RTL9: variants seen among roughly 807,000 people sequenced by gnomAD.
RTL9 encodes the protein retrotransposon Gag-like protein 9.
In RTL9, 19 loss-of-function variants were observed where a neutral mutation model predicts 44.7. The observed-to-expected ratio is 0.42, with a 90% CI of 0.30 to 0.62. RTL9 has a LOEUF of 0.62. Among genes scored for constraint, RTL9 ranks in the 20% least tolerant of loss-of-function variants. RTL9 has a pLI of 0.16. For synonymous variants in RTL9, 407 were observed against 398.9 expected, an observed-to-expected ratio of 1.02 and a Z score of -0.24; for missense variants, 1,105 against 1,080.6, an observed-to-expected ratio of 1.02 and a Z score of -0.32.
Position 110,359,534 on chromosome X carries a change from CT to C in RTL9, c.-168+619del, listed in dbSNP as rs1462704859. Among the ~76,000 whole-genome samples, 4 of 111,779 alleles carry C rather than the reference CT, an allele frequency of 3.6e-5. No homozygotes were observed. The East Asian group carries it at 1.1e-3, about 31-fold the overall frequency. Reference sequence around the variant, plus strand: ...CTTTCCTGAAGTCTCACACAACCATCTAGTGGCAAAGTGCACTAGAATCCAG... The same window carrying C: ...CTTTCCTGAAGTCTCACACAACCATCAGTGGCAAAGTGCACTAGAATCCAG... On this transcript the variant is annotated intron_variant, in intron 1 of 2. Transcript: ENST00000520821.
chrX:110,443,224 C>A (rs1173449780), intron 1 of RTL9, among the ~76,000 whole-genome samples: 1 of 111,335 alleles, frequency 9.0e-6, no homozygotes, highest in Non-Finnish European at 1.9e-5. Flanking sequence ...CAAGCCCAGG[C>A]CTGTTTGAAG....
chrX:110,360,735 G>C, intron 1 of RTL9, among the ~76,000 whole-genome samples: 2 of 111,382 alleles, frequency 1.8e-5, no homozygotes, highest in Middle Eastern at 4.6e-3. Context: ...TTGACATTTG[G>C]AGGCAAGGAA....
intron 1 of RTL9, among the ~76,000 whole-genome samples, chrX:110,389,611 T>C (rs1435088645): frequency 1.8e-5 from 2 of 112,003 alleles, no homozygotes; most frequent in African/African-American, 3.2e-5. Flanking sequence ...ATTCAATCTT[T>C]TTGTTTTTTT....
chrX:110,418,707 A>G (rs1320267216), upstream of RTL9, among the ~76,000 whole-genome samples: 2 of 111,624 alleles, frequency 1.8e-5, no homozygotes, highest in African/African-American at 3.3e-5. Flanking sequence ...GAGACAGCGC[A>G]TGGGAGCTGG....
At chrX:110,377,653 G>T (rs1327659214) in intron 1 of RTL9, among the ~76,000 whole-genome samples, 1 of 111,411 alleles carries the variant, frequency 9.0e-6, no homozygotes, top group Non-Finnish European at 1.9e-5. Flanking sequence ...GCCTTGGGCT[G>T]CTATCATAAC....
intron 1 of RTL9, among the ~76,000 whole-genome samples, chrX:110,404,759 G>T (rs933362153): frequency 9.0e-6 from 1 of 111,288 alleles, no homozygotes; most frequent in Non-Finnish European, 1.9e-5. Flanking sequence ...ACTCTGTCAG[G>T]GTTGCTGAAA....
At chrX:110,428,607 CT>C (rs769614716) in intron 1 of RTL9, among the ~76,000 whole-genome samples, 124 of 111,409 alleles carry the variant, frequency 1.1e-3, no homozygotes, top group Middle Eastern at 4.6e-3. Context: ...CACTCCCCCC[CT>C]CTCCAAGATG....
chrX:110,439,485 A>G (rs2068863935), intron 1 of RTL9, among the ~76,000 whole-genome samples: 1 of 112,333 alleles, frequency 8.9e-6, no homozygotes, highest in Non-Finnish European at 1.9e-5. Context: ...AGCAAATTGC[A>G]GCATAAAAGA....
intron 1 of RTL9, among the ~76,000 whole-genome samples, chrX:110,396,515 T>G (rs1483872212): frequency 5.3e-5 from 6 of 112,328 alleles, no homozygotes; most frequent in African/African-American, 1.6e-4. Flanking sequence ...TCCATTCTAC[T>G]TTCTTTCCCA....
exon 1 of RTL9, chrX:110,452,039 A>T: frequency 8.3e-7 from 1 of 1,210,311 alleles, no homozygotes. Context: ...AAACTTCTGG[A>T]GCAATGCCCA....
intron 1 of RTL9, among the ~76,000 whole-genome samples, chrX:110,384,422 G>A (rs772797507): frequency 1.8e-5 from 2 of 111,307 alleles, no homozygotes; most frequent in Non-Finnish European, 3.8e-5. Flanking sequence ...ACCTCACAGG[G>A]ATATTTTAAG....
At chrX:110,400,009 T>C (rs1303654431) in intron 1 of RTL9, among the ~76,000 whole-genome samples, 2 of 110,716 alleles carry the variant, frequency 1.8e-5, no homozygotes, top group Non-Finnish European at 1.9e-5. Flanking sequence ...GACTTCATTA[T>C]AGCAATTCAA....
At chrX:110,376,668 A>T (rs752400272) in intron 1 of RTL9, among the ~76,000 whole-genome samples, 4 of 112,455 alleles carry the variant, frequency 3.6e-5, no homozygotes, top group Non-Finnish European at 5.6e-5. Context: ...TAATGAAAAG[A>T]ATTAGACAGA....
chrX:110,453,015 G>A (rs2068955179), exon 1 of RTL9: 1 of 1,211,104 alleles, frequency 8.3e-7, no homozygotes, highest in Non-Finnish European at 1.1e-6. Flanking sequence ...ACTAATGAGA[G>A]CTCCAGCTTC....
Position 110,362,977 on chromosome X carries a change from G to A in RTL9, c.-168+4061G>A, listed in dbSNP as rs777642068. On this transcript the variant is annotated intron_variant, in intron 1 of 2. Coordinates refer to the RTL9 transcript ENST00000520821. ...TAAAAGCTGAAGTAATTTGCTCAAGGCCCCACAACCAGCAGAAAAGGAAGC... is the reference window on the plus strand; with the variant it reads ...TAAAAGCTGAAGTAATTTGCTCAAGACCCCACAACCAGCAGAAAAGGAAGC... Among the ~76,000 whole-genome samples the A allele has an allele frequency of 2.7e-5, 3 of 111,817 alleles. No individual in the cohort carries two copies. In the South Asian group the frequency reaches 1.1e-3, roughly 42 times the overall value.
chrX:110,366,794 C>T (rs1414956010), intron 1 of RTL9, among the ~76,000 whole-genome samples: 2 of 112,125 alleles, frequency 1.8e-5, no homozygotes, highest in Admixed American at 1.9e-4. Flanking sequence ...TAACCAGTCT[C>T]GCTTTAGATT....
At chrX:110,453,550 C>T (rs146399635) in exon 1 of RTL9, 20 of 1,210,552 alleles carry the variant, frequency 1.7e-5, no homozygotes, top group African/African-American at 7.0e-5. Flanking sequence ...ATGTCTATGC[C>T]GCTAATGGAA....
At chrX:110,453,961 C>T in exon 1 of RTL9, 1 of 1,212,042 alleles carries the variant, frequency 8.3e-7, no homozygotes, top group Non-Finnish European at 1.1e-6. Flanking sequence ...ATCACAGCCT[C>T]TGGATCAAAG....
At chrX:110,408,415 G>A (rs1476806949) in intron 1 of RTL9, among the ~76,000 whole-genome samples, 1 of 112,491 alleles carries the variant, frequency 8.9e-6, no homozygotes, top group African/African-American at 3.2e-5. Flanking sequence ...CAACGCCCAC[G>A]ACAGACTTGC....
Sources: allele counts gnomAD v4.1 joint callset (sites outside exome capture counted in the v4.1 genomes callset), GRCh38; gene constraint gnomAD v4.1.1; transcripts MANE v1.5; gene names NCBI Gene and HGNC (gene_info 2026-07-23, HGNC 2026-07-21).